The following VPS13B variants were observed in gnomAD, a reference collection of about 807,000 sequenced individuals.
VPS13B encodes the protein intermembrane lipid transfer protein VPS13B.
In VPS13B, 285 loss-of-function variants were observed where a neutral mutation model predicts 426.4. The ratio of observed to expected loss-of-function variants is 0.67; its 90% CI spans 0.61 to 0.74. The LOEUF (loss-of-function observed/expected upper bound fraction) is 0.74. Ranked by LOEUF, VPS13B falls within the 30% of genes least tolerant of loss-of-function variation. The pLI is 0.00. For synonymous variants in VPS13B, 1,676 were observed against 1,676.4 expected, an observed-to-expected ratio of 1.00 and a Z score of 0.01; for missense variants, 4,537 against 4,782.6, an observed-to-expected ratio of 0.95 and a Z score of 1.51.
In VPS13B at chr8:99,274,167, G is replaced by A. The variant is rs202200239; in HGVS notation, c.2516-31G>A. On this transcript the variant is annotated intron_variant, in intron 17 of 61. Transcript: ENST00000357162. Reference sequence around the variant, plus strand: ...ATATAAAAATTATTTAAATTCAATCGGCTAGTACATTTGCAGTTTTCTTTT... The same window carrying A: ...ATATAAAAATTATTTAAATTCAATCAGCTAGTACATTTGCAGTTTTCTTTT... 68 of 1,613,636 alleles carry A rather than the reference G, an allele frequency of 4.2e-5. No homozygotes were observed. The East Asian group carries it at 8.9e-4, about 21-fold the overall frequency.
rs536101235 is a variant in VPS13B at position 99,087,667 on chromosome 8, C to T, written c.292-8645C>T. Among the ~76,000 whole-genome samples the T allele has an allele frequency of 2.0e-5, 3 of 150,640 alleles. No homozygotes were observed. The South Asian group carries it at 6.3e-4, about 32-fold the overall frequency. On this transcript the variant is annotated intron_variant, in intron 3 of 61. Coordinates refer to ENST00000357162, the MANE Select transcript of VPS13B (RefSeq NM_152564.5). ...CTGTTTATGTAGCCCAGCCTGGCTG[C>T]CAATTCTTTGGTTCAAGCAGTTCTC... is the stretch of plus-strand genomic sequence containing the variant.
At chr8:99,666,688 C>T (rs970930607) in intron 35 of VPS13B, among the ~76,000 whole-genome samples, 1 of 152,092 alleles carries the variant, frequency 6.6e-6, no homozygotes, top group Admixed American at 6.6e-5. Flanking sequence ...TATGATAAAT[C>T]CACAGCCAAT....
chr8:99,160,650 CAAAA>C (rs780385149), intron 15 of VPS13B, among the ~76,000 whole-genome samples: 14 of 68,488 alleles, frequency 2.0e-4, no homozygotes, highest in African/African-American at 6.8e-4. Context: ...GACCCTGTCT[CAAAA>C]AAAAAAAAAA....
chr8:99,349,864 T>G (rs1042688515), intron 19 of VPS13B, among the ~76,000 whole-genome samples: 3 of 152,208 alleles, frequency 2.0e-5, no homozygotes, highest in Admixed American at 6.5e-5. Context: ...TTAAGTCACT[T>G]GTTTTCGGTG....
chr8:99,067,309 A>G (rs10103431), intron 3 of VPS13B, among the ~76,000 whole-genome samples: 111,674 of 151,964 alleles, frequency 0.73, 41,778 homozygotes, highest in South Asian at 0.87. Context: ...AATACTATGC[A>G]GCCATAAAAA....
intron 3 of VPS13B, among the ~76,000 whole-genome samples, chr8:99,059,172 T>A (rs1330060285): frequency 6.6e-6 from 1 of 152,232 alleles, no homozygotes; most frequent in East Asian, 1.9e-4. Flanking sequence ...GGTCTCACTC[T>A]GTTGCCCAGC....
intron 19 of VPS13B, among the ~76,000 whole-genome samples, chr8:99,297,636 A>T (rs1330527869): frequency 6.6e-6 from 1 of 152,206 alleles, no homozygotes; most frequent in African/African-American, 2.4e-5. Flanking sequence ...GAAAAATATT[A>T]AGAAGTGTTA....
rs760928396 is a variant in VPS13B, at chr8:99,501,696, A to G, written c.3880A>G (p.Ile1294Val). The G allele has an allele frequency of 6.2e-6, 10 of 1,614,068 alleles. No individual in the cohort carries two copies. The highest frequency in any genetic ancestry group is 8.5e-6 in the Non-Finnish European group (10 of 1,179,978). ...DIGTTTEGDS[I>V]QAGEESPFSD... ...TTTCTCCTCATCCCAGGGAGATTCT[A>G]TACAAGCAGGTGAGGAATCACCATT... Residue 1294 changes from isoleucine (I) to valine (V), a missense_variant, in exon 26 of 62, where the codon ATA becomes GTA. Transcript: ENST00000357162.
In VPS13B at chr8:99,575,737, G is replaced by A; in HGVS notation, c.5029G>A (p.Ala1677Thr). 6.2e-7 allele frequency: 1 copy of A among 1,613,814 alleles called. No homozygotes were observed. Among genetic ancestry groups the A allele is most frequent in the Non-Finnish European group, 8.5e-7 (1 of 1,179,880 alleles). Residue 1677 changes from alanine (A) to threonine (T), a missense_variant, in exon 32 of 62, where the codon GCT (alanine) becomes ACT (threonine). Coordinates refer to ENST00000357162, the MANE Select transcript of VPS13B (RefSeq NM_152564.5). ...DFSVRITGAP[A>T]VIFTKVVSPE... is the part of the protein sequence containing the mutation. ...TTCTGTCCGAATAACTGGAGCACCT[G>A]CTGTCATTTTCACCAAAGTAGTTTC...
intron 17 of VPS13B, among the ~76,000 whole-genome samples, chr8:99,238,132 A>C (rs966770248): frequency 6.6e-6 from 1 of 152,068 alleles, no homozygotes; most frequent in Non-Finnish European, 1.5e-5. Context: ...TGAGTATACT[A>C]TAGACCAGGA....
intron 5 of VPS13B, among the ~76,000 whole-genome samples, chr8:99,109,404 A>T (rs1311345305): frequency 6.8e-6 from 1 of 146,468 alleles, no homozygotes; most frequent in Non-Finnish European, 1.5e-5. Flanking sequence ...TTTTTTTAAG[A>T]GAGAGTCTTA....
chr8:99,584,649 G>A (rs955722333), intron 33 of VPS13B, among the ~76,000 whole-genome samples: 4 of 152,192 alleles, frequency 2.6e-5, no homozygotes, highest in African/African-American at 9.7e-5. Context: ...TATGAAAAGT[G>A]TTAAATATAC....
intron 44 of VPS13B, among the ~76,000 whole-genome samples, chr8:99,817,081 G>A (rs1662399230): frequency 6.6e-6 from 1 of 151,902 alleles, no homozygotes; most frequent in Non-Finnish European, 1.5e-5. Flanking sequence ...CAAAACTACT[G>A]TCCCCTGATT....
At chr8:99,659,812 C>G (rs899245656) in intron 34 of VPS13B, among the ~76,000 whole-genome samples, 1 of 152,092 alleles carries the variant, frequency 6.6e-6, no homozygotes, top group East Asian at 1.9e-4. Context: ...GTTTTATCTC[C>G]ACATTGTATT....
chr8:99,515,634 A>C (rs191581465), intron 29 of VPS13B, among the ~76,000 whole-genome samples: 1 of 151,742 alleles, frequency 6.6e-6, no homozygotes, highest in African/African-American at 2.4e-5. Context: ...TCCTTTGCAA[A>C]TATGCATATT....
At chr8:99,373,135 GACA>G in intron 19 of VPS13B, among the ~76,000 whole-genome samples, 1 of 152,186 alleles carries the variant, frequency 6.6e-6, no homozygotes, top group South Asian at 2.1e-4. Flanking sequence ...GGACATGGAG[GACA>G]ACATCACACA....
At chr8:99,653,113 A>G (rs1260146098) in intron 34 of VPS13B, among the ~76,000 whole-genome samples, 1 of 152,186 alleles carries the variant, frequency 6.6e-6, no homozygotes, top group Non-Finnish European at 1.5e-5. Context: ...AATCTCTAAA[A>G]TGGTTTGATA....
intron 22 of VPS13B, among the ~76,000 whole-genome samples, chr8:99,434,385 G>A (rs1817269465): frequency 6.6e-6 from 1 of 152,088 alleles, no homozygotes; most frequent in Admixed American, 6.5e-5. Context: ...GGCTTTTTGA[G>A]ACCATAATTC....
chr8:99,487,069 C>G (rs1402995658), intron 25 of VPS13B, among the ~76,000 whole-genome samples: 1 of 151,072 alleles, frequency 6.6e-6, no homozygotes, highest in Non-Finnish European at 1.5e-5. Flanking sequence ...TCTCCACTTC[C>G]TCTGTCTCCT....
Sources: allele counts gnomAD v4.1 joint callset (sites outside exome capture counted in the v4.1 genomes callset), GRCh38; gene constraint gnomAD v4.1.1; transcripts MANE v1.5; gene names NCBI Gene and HGNC (gene_info 2026-07-23, HGNC 2026-07-21).